The following RGS7BP variants were observed in gnomAD, a reference collection of about 807,000 sequenced individuals.
RGS7BP encodes the protein regulator of G protein signaling 7-binding protein.
Under a neutral mutation model 31.3 loss-of-function variants are expected in RGS7BP, and 9 were observed. The observed-to-expected ratio is 0.29, with a 90% CI of 0.17 to 0.50. RGS7BP has a LOEUF of 0.50. Among genes scored for constraint, RGS7BP ranks in the 20% least tolerant of loss-of-function variants. The pLI is 0.98. For missense variants in RGS7BP, 274 were observed against 322.0 expected (o/e 0.85, Z 1.14); for synonymous variants, 115 against 120.1 (o/e 0.96, Z 0.28).
intron 5 of RGS7BP, 118 bp downstream of exon 5, chr5:64,598,553 C>A (rs1340844704): frequency 6.9e-6 from 5 of 723,974 alleles, no homozygotes; most frequent in Non-Finnish European, 5.0e-6. Flanking sequence ...ATTGAGCATT[C>A]ATTAGTCTTT....
chr5:64,602,522 T>C (rs954985293), intron 5 of RGS7BP, among the ~76,000 whole-genome samples: 1 of 152,164 alleles, frequency 6.6e-6, no homozygotes, highest in Non-Finnish European at 1.5e-5. Flanking sequence ...CAACATATAA[T>C]GGTCACCAAT....
intron 2 of RGS7BP, among the ~76,000 whole-genome samples, chr5:64,554,216 G>A (rs1741867602): frequency 6.6e-6 from 1 of 152,084 alleles, no homozygotes; most frequent in South Asian, 2.1e-4. Flanking sequence ...CTCTCTATAA[G>A]GTTATTTTGA....
chr5:64,512,164 G>A (rs1748854432), intron 2 of RGS7BP, among the ~76,000 whole-genome samples: 1 of 152,140 alleles, frequency 6.6e-6, no homozygotes, highest in Non-Finnish European at 1.5e-5. Context: ...TGTCTGTGTT[G>A]GACTGAATCT....
chr5:64,595,927 T>C (rs2111961450), intron 4 of RGS7BP, among the ~76,000 whole-genome samples: 1 of 152,308 alleles, frequency 6.6e-6, no homozygotes, highest in Middle Eastern at 3.4e-3. Flanking sequence ...TTGGATTTTG[T>C]ATAAGCTTGG....
intron 2 of RGS7BP, among the ~76,000 whole-genome samples, chr5:64,557,083 C>A (rs1335461024): frequency 6.6e-6 from 1 of 152,058 alleles, no homozygotes. Flanking sequence ...AAATGACATT[C>A]TTAAAAAGTG....
chr5:64,599,393 AG>A (rs1179095414), intron 5 of RGS7BP, among the ~76,000 whole-genome samples: 1 of 152,132 alleles, frequency 6.6e-6, no homozygotes, highest in Non-Finnish European at 1.5e-5. Flanking sequence ...CTTGCCTTGA[AG>A]TGAGGAGGAG....
At chr5:64,569,015 G>C (rs761622754) in intron 2 of RGS7BP, among the ~76,000 whole-genome samples, 1 of 152,076 alleles carries the variant, frequency 6.6e-6, no homozygotes, top group Admixed American at 6.6e-5. Context: ...CCCCTCTGAG[G>C]CCTGTTGCTT....
chr5:64,524,919 TG>T (rs1389261601), intron 2 of RGS7BP, among the ~76,000 whole-genome samples: 1 of 151,776 alleles, frequency 6.6e-6, no homozygotes, highest in Non-Finnish European at 1.5e-5. Flanking sequence ...CCAGAGTGGG[TG>T]GGTTATATAG....
intron 2 of RGS7BP, among the ~76,000 whole-genome samples, chr5:64,572,681 G>A: frequency 6.6e-6 from 1 of 152,020 alleles, no homozygotes. Context: ...GGGATTTCTG[G>A]TGGCACCTAT....
chr5:64,611,908 C>G lies in RGS7BP; in HGVS notation c.*2656C>G, dbSNP rs1040166140. 6.6e-6 allele frequency: 1 copy of G among 151,916 alleles called. No individual in the cohort carries two copies. Among genetic ancestry groups the G allele is most frequent in the African/African-American group, 2.4e-5 (1 of 41,386 alleles). The allele number at this position is 151,916 out of a possible 1,614,324, so 9.4% of individuals were successfully genotyped here. On this transcript the variant is annotated 3_prime_UTR_variant, in exon 6 of 6. Transcript: ENST00000334025. The stretch of plus-strand genomic sequence containing the variant: ...CGATAAAGTTCTACTGTCTCGGCTT[C>G]CTGCTGGTAATTCGCTTTCAGATTA...
intron 5 of RGS7BP, among the ~76,000 whole-genome samples, chr5:64,604,321 G>C (rs1382906232): frequency 2.6e-5 from 4 of 151,962 alleles, no homozygotes; most frequent in Non-Finnish European, 5.9e-5. Context: ...CCTCCAAATG[G>C]GAGGAATCTC....
rs113481238 is a variant in RGS7BP at position 64,534,195 on chromosome 5, T to C, written c.332+26318T>C. 3.0e-3 allele frequency among the ~76,000 whole-genome samples: 447 copies of C among 150,878 alleles called. 4 individuals are homozygous for C. The highest frequency in any genetic ancestry group is 0.011 in the African/African-American group (431 of 41,046). On this transcript the variant is annotated intron_variant, in intron 2 of 5. Coordinates refer to ENST00000334025, the MANE Select transcript of RGS7BP (RefSeq NM_001029875.3). ...AGAGCATGCCAGGCAGAAGGAGGAGTGAATGCAAAGACCCTGAGGCAGGAA... is the reference window on the plus strand; with the variant it reads ...AGAGCATGCCAGGCAGAAGGAGGAGCGAATGCAAAGACCCTGAGGCAGGAA...
At chr5:64,565,979 A>T (rs954430585) in intron 2 of RGS7BP, among the ~76,000 whole-genome samples, 2 of 152,138 alleles carry the variant, frequency 1.3e-5, no homozygotes, top group African/African-American at 4.8e-5. Context: ...CCAGGATCCA[A>T]TTAGATATAA....
At chr5:64,531,456 C>A (rs548310403) in intron 2 of RGS7BP, among the ~76,000 whole-genome samples, 1 of 152,086 alleles carries the variant, frequency 6.6e-6, no homozygotes, top group Non-Finnish European at 1.5e-5. Context: ...GTTTGTTGTT[C>A]GACATCTTCC....
chr5:64,610,300 T>C lies in RGS7BP; in HGVS notation c.*1048T>C, dbSNP rs1370255349. 1 of 152,406 alleles carries C rather than the reference T, an allele frequency of 6.6e-6. No individual in the cohort carries two copies. Among genetic ancestry groups the C allele is most frequent in the Non-Finnish European group, 1.5e-5 (1 of 67,918 alleles). 9.4% of individuals were successfully genotyped at this position (152,406 alleles called of 1,614,324 possible). ...CTTGAAAGCAGGACACATTAAGCAA[T>C]ACTATATTTTAGAAAGGAGGAAGCC... On this transcript the variant is annotated 3_prime_UTR_variant, in exon 6 of 6. Coordinates refer to ENST00000334025, the MANE Select transcript of RGS7BP (RefSeq NM_001029875.3).
chr5:64,510,158 G>T (rs955473607), intron 2 of RGS7BP, among the ~76,000 whole-genome samples: 6 of 152,252 alleles, frequency 3.9e-5, no homozygotes, highest in South Asian at 2.1e-4. Context: ...TTTCTTGCGC[G>T]CCCACTATTT....
At chr5:64,507,557 T>A (rs1218361359) in intron 1 of RGS7BP, among the ~76,000 whole-genome samples, 154 bp from the exon 2 acceptor site, 1 of 152,172 alleles carries the variant, frequency 6.6e-6, no homozygotes, top group Non-Finnish European at 1.5e-5. Context: ...GCCATTTTGG[T>A]GCCTTCTGCT....
chr5:64,606,120 T>G (rs374186203), intron 5 of RGS7BP, among the ~76,000 whole-genome samples: 13 of 150,810 alleles, frequency 8.6e-5, no homozygotes, highest in African/African-American at 2.9e-4. Flanking sequence ...GGTTTTTAGG[T>G]TTTTTTTAAT....
At chr5:64,567,531 CTGTT>C (rs1742200629) in intron 2 of RGS7BP, among the ~76,000 whole-genome samples, 2 of 152,240 alleles carry the variant, frequency 1.3e-5, no homozygotes, top group African/African-American at 4.8e-5. Flanking sequence ...ATCTACCTGT[CTGTT>C]TATCCCTCTG....
Sources: gnomAD v4.1 joint callset for allele counts (sites outside exome capture counted in the v4.1 genomes callset) on GRCh38, gnomAD v4.1.1 for gene constraint, MANE v1.5 for transcripts, NCBI Gene and HGNC (gene_info 2026-07-23, HGNC 2026-07-21) for gene names.